The following LIMCH1 variants were observed in gnomAD, a reference collection of about 807,000 sequenced individuals.
LIMCH1 encodes the protein LIM and calponin homology domains 1, also known as LIM and calponin homology domains-containing protein 1.
In LIMCH1, 113 loss-of-function variants were observed where a neutral mutation model predicts 176.5. The ratio of observed to expected loss-of-function variants is 0.64; its 90% confidence interval spans 0.55 to 0.75. The LOEUF is 0.75. Among genes scored for constraint, LIMCH1 ranks in the 30% least tolerant of loss-of-function variants. The pLI is 0.00. For synonymous variants in LIMCH1, 619 were observed against 645.9 expected, an observed-to-expected ratio of 0.96 and a Z score of 0.63; for missense variants, 1,674 against 1,814.9, an observed-to-expected ratio of 0.92 and a Z score of 1.41.
At chr4:41,654,105 T>C (rs1324492471) in intron 18 of LIMCH1, among the ~76,000 whole-genome samples, 2 of 152,192 alleles carry the variant, frequency 1.3e-5, no homozygotes, top group African/African-American at 4.8e-5. Context: ...GAAAAGTATA[T>C]AGAACAACGT....
intron 12 of LIMCH1, 28 bp downstream of exon 12, chr4:41,633,113 G>T (rs201460871): frequency 1.4e-6 from 2 of 1,452,406 alleles, no homozygotes; most frequent in East Asian, 2.5e-5. Context: ...GCTCTGCTCC[G>T]TGGTGTGTTG....
At chr4:41,415,854 G>A (rs1044288457) in intron 1 of LIMCH1, among the ~76,000 whole-genome samples, 1 of 152,082 alleles carries the variant, frequency 6.6e-6, no homozygotes, top group African/African-American at 2.4e-5. Flanking sequence ...GCACGCGCCT[G>A]TAATCCCAGC....
At position 41,613,553 on chromosome 4, in the gene LIMCH1, TCTC is replaced by T; in HGVS notation, c.104_106del (p.Pro35del). On this transcript the variant is annotated inframe_deletion, in exon 5 of 32. Transcript: ENST00000503057. ...GGATTCCGAGCGCAGCGACTCCCTCTCTCCTCCTCGCCACGGCAGAGATGATTC... is the reference window on the plus strand; with the variant it reads ...GGATTCCGAGCGCAGCGACTCCCTCTCTCCTCGCCACGGCAGAGATGATTC... The T allele has an allele frequency of 1.2e-6, 2 of 1,614,104 alleles. No homozygotes were observed. The highest frequency in any genetic ancestry group is 1.7e-6 in the Non-Finnish European group (2 of 1,180,014).
intron 1 of LIMCH1, among the ~76,000 whole-genome samples, chr4:41,559,040 G>GA (rs1375562668): frequency 6.6e-6 from 1 of 151,954 alleles, no homozygotes; most frequent in African/African-American, 2.4e-5. Flanking sequence ...CTTCGTGGCT[G>GA]AAAAAAAATA....
intron 18 of LIMCH1, 84 bp downstream of exon 18, chr4:41,650,692 A>C (rs2094257967): frequency 1.4e-5 from 16 of 1,133,492 alleles, no homozygotes; most frequent in Non-Finnish European, 1.9e-5. Context: ...AGGTCATGAT[A>C]ATGACCATTT....
intron 1 of LIMCH1, among the ~76,000 whole-genome samples, chr4:41,407,938 G>A (rs1008132101): frequency 6.6e-6 from 1 of 152,082 alleles, no homozygotes; most frequent in African/African-American, 2.4e-5. Flanking sequence ...AGTTTTGTAG[G>A]CATCATTTAA....
chr4:41,429,866 A>G (rs200806992), intron 1 of LIMCH1, among the ~76,000 whole-genome samples: 3 of 151,972 alleles, frequency 2.0e-5, no homozygotes, highest in Admixed American at 6.6e-5. Context: ...ACCAGTTACA[A>G]GGGAAGGAAA....
chr4:41,626,981 C>A lies in LIMCH1; in HGVS notation c.999C>A (p.Ile333=). Residue 333 remains isoleucine (I), a synonymous_variant, in exon 8 of 32, where the codon ATC becomes ATA. Transcript: ENST00000503057. The part of the protein sequence containing the change: ...SDGSKQLSKG[I]SKKRSLEYKR... The stretch of plus-strand genomic sequence containing the variant: ...GCAGCAAACAGCTCTCAAAGGGAAT[C>A]TCAAAAAAAAGAAGTCTAGAATATA... The A allele has an allele frequency of 6.5e-7, 1 of 1,532,766 alleles. No homozygotes were observed. The highest frequency in any genetic ancestry group is 8.7e-7 in the Non-Finnish European group (1 of 1,146,178). 94.9% of individuals were successfully genotyped at this position (1,532,766 alleles called of 1,614,324 possible).
intron 6 of LIMCH1, 85 bp downstream of exon 6, chr4:41,619,525 A>G: frequency 6.5e-7 from 1 of 1,540,310 alleles, no homozygotes; most frequent in Non-Finnish European, 8.8e-7. Context: ...ACGAGGTTAA[A>G]TGACCAATTC....
At chr4:41,648,050 CACACACACAGATAG>C (rs1369082562) in intron 17 of LIMCH1, among the ~76,000 whole-genome samples, 2 of 152,116 alleles carry the variant, frequency 1.3e-5, no homozygotes, top group Non-Finnish European at 2.9e-5. Flanking sequence ...TATGGACTCA[CACACACACAGATAG>C]ACACACACAT....
intron 20 of LIMCH1, 51 bp downstream of exon 20, chr4:41,663,035 C>T (rs1384978586): frequency 1.3e-6 from 2 of 1,539,128 alleles, no homozygotes; most frequent in Admixed American, 1.8e-5. Context: ...TAACATGGCC[C>T]CATATTACAG....
At chr4:41,694,818 C>T (rs750965484) in intron 31 of LIMCH1, among the ~76,000 whole-genome samples, 1 of 152,076 alleles carries the variant, frequency 6.6e-6, no homozygotes, top group Admixed American at 6.6e-5. Context: ...AGACATCTTG[C>T]TTAATTATCA....
intron 1 of LIMCH1, among the ~76,000 whole-genome samples, chr4:41,581,983 T>G (rs141808649): frequency 3.9e-5 from 6 of 152,260 alleles, no homozygotes; most frequent in African/African-American, 1.4e-4. Flanking sequence ...TGAATATATA[T>G]GTCAGATTTT....
rs553487544 is a variant in LIMCH1 at position 41,547,868 on chromosome 4, T to C, written c.-241+9518T>C. ...GATATATAATTTGTGTGTGTGTATA[T>C]ATATATATATATATATATATATATA... On this transcript the variant is annotated intron_variant, in intron 1 of 31. Coordinates refer to ENST00000503057, the MANE Select transcript of LIMCH1 (RefSeq NM_001330672.2). Among the ~76,000 whole-genome samples the C allele has an allele frequency of 5.2e-4, 61 of 117,604 alleles. No homozygotes were observed. The East Asian group carries it at 0.012, about 22-fold the overall frequency. 77.2% of individuals were successfully genotyped at this position (117,604 alleles called of 152,430 possible). A position where few individuals can be genotyped will look rare whatever the true frequency, so the allele number is the denominator to read the frequency against.
intron 1 of LIMCH1, among the ~76,000 whole-genome samples, chr4:41,544,153 T>C (rs2079052395): frequency 6.6e-6 from 1 of 151,958 alleles, no homozygotes; most frequent in African/African-American, 2.4e-5. Flanking sequence ...ATGCTCCGGC[T>C]TGTAATGGGC....
At chr4:41,591,978 A>G (rs1323090395) in intron 1 of LIMCH1, among the ~76,000 whole-genome samples, 1 of 152,214 alleles carries the variant, frequency 6.6e-6, no homozygotes, top group African/African-American at 2.4e-5. Context: ...GCAGATGGAA[A>G]TGACAACTGA....
intron 1 of LIMCH1, among the ~76,000 whole-genome samples, chr4:41,399,924 C>T (rs796540452): frequency 8.1e-5 from 12 of 147,480 alleles, no homozygotes; most frequent in South Asian, 4.4e-4. Flanking sequence ...CCTCGTGATT[C>T]GCCCACCTCA....
At chr4:41,445,506 T>C (rs1414342247) in intron 1 of LIMCH1, among the ~76,000 whole-genome samples, 2 of 152,224 alleles carry the variant, frequency 1.3e-5, no homozygotes, top group Admixed American at 6.5e-5. Context: ...CCTGTGGAAT[T>C]GTCCTCAAAT....
rs990300935 is a variant in LIMCH1, at chr4:41,699,241, C to T, written c.*2056C>T. On this transcript the variant is annotated 3_prime_UTR_variant, in exon 32 of 32. Coordinates refer to ENST00000503057, the MANE Select transcript of LIMCH1 (RefSeq NM_001330672.2). ...TTATGTAAGGATTACATGAATATTG[C>T]ACATTCCCTTCTGGTTTCACAAACC... 1 of 152,114 alleles carries T rather than the reference C, an allele frequency of 6.6e-6. No individual in the cohort carries two copies. Among genetic ancestry groups the T allele is most frequent in the Non-Finnish European group, 1.5e-5 (1 of 68,016 alleles). 9.4% of individuals were successfully genotyped at this position (152,114 alleles called of 1,614,324 possible).
Sources: allele counts gnomAD v4.1 joint callset (sites outside exome capture counted in the v4.1 genomes callset), GRCh38; gene constraint gnomAD v4.1.1; transcripts MANE v1.5; gene names NCBI Gene and HGNC (gene_info 2026-07-23, HGNC 2026-07-21).